RNH1: variants seen among roughly 807,000 people sequenced by gnomAD.
RNH1 encodes the protein ribonuclease inhibitor.
A neutral mutation model predicts 46.1 loss-of-function variants in RNH1; 38 were observed. The observed-to-expected ratio is 0.82, with a 90% CI of 0.64 to 1.08. The LOEUF (loss-of-function observed/expected upper bound fraction) is 1.08, where lower values mean the gene tolerates loss of function less well. RNH1 is among the 50% of genes least tolerant of loss of function. The pLI is 0.00. For missense variants in RNH1, 577 were observed against 590.7 expected (o/e 0.98, Z 0.24); for synonymous variants, 319 against 279.1 (o/e 1.14, Z -1.43).
At chr11:498,183 C>T (rs886829805) in intron 8 of RNH1, 42 bp from the exon 9 acceptor site, 1 of 1,577,292 alleles carries the variant, frequency 6.3e-7, no homozygotes, top group Non-Finnish European at 8.6e-7. Flanking sequence ...GGGGCCCAGG[C>T]TGGCCCACAG....
Position 498,568 on chromosome 11 carries a change from G to A in RNH1, c.845C>T (p.Ala282Val). 6.2e-7 allele frequency: 1 copy of A among 1,613,020 alleles called. No homozygotes were observed. Among genetic ancestry groups the A allele is most frequent in the Non-Finnish European group, 8.5e-7 (1 of 1,180,018 alleles). Residue 282 changes from alanine to valine, a missense_variant, in exon 8 of 11, where the codon GCC becomes GTC. Coordinates refer to ENST00000354420, the MANE Select transcript of RNH1 (RefSeq NM_203387.3). ...GCTGAGCTCCTTCAGGCTCTCCTTG[G>A]CCCTGAGGACACGGCACAGATCCCC... Reference protein sequence around the residue: ...GCGDLCRVLRAKESLKELSLA... With the variant: ...GCGDLCRVLRVKESLKELSLA...
chr11:497,916 A>T, intron 9 of RNH1, 55 bp downstream of exon 9: 3 of 1,568,612 alleles, frequency 1.9e-6, no homozygotes, highest in Non-Finnish European at 2.6e-6. Context: ...CCTTGTGTGC[A>T]CACACGGGCA....
At position 503,616 on chromosome 11, in the gene RNH1, T is replaced by C. The variant is rs1182187924; in HGVS notation, c.-88+1208A>G. On this transcript the variant is annotated intron_variant, in intron 2 of 10. Transcript: ENST00000354420. ...AGAATCTAGTCATCAGGAGGCACTGTGGGCGGGAGGGCGGGTGGAAGGAGA... is the reference window on the plus strand; with the variant it reads ...AGAATCTAGTCATCAGGAGGCACTGCGGGCGGGAGGGCGGGTGGAAGGAGA... 1.0e-3 allele frequency: 7 copies of C among 6,828 alleles called. No individual in the cohort carries two copies. The Admixed American group carries it at 0.013, about 13-fold the overall frequency. 0.4% of individuals were successfully genotyped at this position (6,828 alleles called of 1,614,324 possible). A position where few individuals can be genotyped will look rare whatever the true frequency, so the allele number is the denominator to read the frequency against.
chr11:494,891 C>T lies in RNH1; in HGVS notation c.1290G>A (p.Glu430=), dbSNP rs757777030. 2.5e-6 allele frequency: 4 copies of T among 1,611,986 alleles called. No homozygotes were observed. The South Asian group carries it at 4.4e-5, about 18-fold the overall frequency. ...CCAGCGCGTGCACATACACCAGCTG[C>T]TCCAGGAGGCAGCCCGGCTGCCGGA... ...ESVRQPGCLL[E]QLVLYDIYWS... The change falls in exon 10 of 11, where the codon GAG becomes GAA. Residue 430 remains glutamate, a synonymous_variant. Transcript: ENST00000354420.
At chr11:497,476 C>T (rs1565019283) in intron 9 of RNH1, among the ~76,000 whole-genome samples, 2 of 150,838 alleles carry the variant, frequency 1.3e-5, no homozygotes, top group South Asian at 2.1e-4. Context: ...CCCTCTCGCC[C>T]ATGTGCTCAC....
In RNH1 at chr11:498,781, G is replaced by C; in HGVS notation, c.767C>G (p.Ser256Cys). 1 of 1,603,128 alleles carries C rather than the reference G, an allele frequency of 6.2e-7. No homozygotes were observed. The highest frequency in any genetic ancestry group is 8.5e-7 in the Non-Finnish European group (1 of 1,178,242). The change falls in exon 7 of 11, where the codon TCC becomes TGC. Residue 256 changes from serine (S) to cysteine (C), a missense_variant. Transcript: ENST00000354420. ...ELCPGLLHPS[S>C]RLRTLWIWEC... ...GACTCACCACAGGGTCCTGAGCCTG[G>C]AGCTGGGGTGGAGCAGCCCTGGGCA...
At chr11:497,198 C>T (rs1253363722) in intron 9 of RNH1, among the ~76,000 whole-genome samples, 1 of 131,540 alleles carries the variant, frequency 7.6e-6, no homozygotes, top group African/African-American at 2.8e-5. Flanking sequence ...CGTGCTCACT[C>T]TCACCCATGT....
At chr11:504,393 C>G (rs796478794) in intron 2 of RNH1, 2 of 154,172 alleles carry the variant, frequency 1.3e-5, no homozygotes, top group African/African-American at 4.8e-5. Context: ...GCCTCTCTGC[C>G]CCCGCCCGCG....
rs1472818903 is a variant in RNH1 at position 504,960 on chromosome 11, A to G, written c.-224T>C. On this transcript the variant is annotated 5_prime_UTR_variant, in exon 2 of 11. Coordinates refer to ENST00000354420, the MANE Select transcript of RNH1 (RefSeq NM_203387.3). ...CTCGGCCGTCCTCAAAACTTTGGAC[A>G]CACCCTCCGTTTCTGTCAGTCAAGA... 6.6e-6 allele frequency: 1 copy of G among 152,066 alleles called. No individual in the cohort carries two copies. Among genetic ancestry groups the G allele is most frequent in the African/African-American group, 2.4e-5 (1 of 41,366 alleles). 9.4% of individuals were successfully genotyped at this position (152,066 alleles called of 1,614,324 possible).
chr11:505,817 G>C (rs911270807), intron 1 of RNH1: 8 of 151,084 alleles, frequency 5.3e-5, no homozygotes, highest in African/African-American at 1.7e-4. Context: ...AGATCCGCCC[G>C]CCTCGGCCTC....
In RNH1 at chr11:501,392, C is replaced by T. The variant is rs533576929; in HGVS notation, c.101+670G>A. On this transcript the variant is annotated intron_variant, in intron 3 of 10. Coordinates refer to ENST00000354420, the MANE Select transcript of RNH1 (RefSeq NM_203387.3). This position sits in a 1 kb window ranked among gnomAD's most constrained non-coding sequence, Gnocchi z 4.1. ...AGAGAGACGAGGGGACAGTCACAGA[C>T]GGGAGAGGGCTAAGGAGACAGAGGG... The T allele has an allele frequency of 4.5e-4, 74 of 163,020 alleles. 1 individual carries two copies. The highest frequency in any genetic ancestry group is 4.2e-3 in the South Asian group (26 of 6,220). 10.1% of individuals were successfully genotyped at this position (163,020 alleles called of 1,614,324 possible).
At chr11:499,579 A>C in intron 5 of RNH1, 2 of 708,464 alleles carry the variant, frequency 2.8e-6, no homozygotes, top group Non-Finnish European at 5.1e-6. Context: ...GTCCTGGGGC[A>C]GCTGTGCCTT....
rs957725275 is a variant in RNH1, at chr11:501,411, C to G, written c.101+651G>C. 6.2e-6 allele frequency: 1 copy of G among 160,700 alleles called. No homozygotes were observed. Among genetic ancestry groups the G allele is most frequent in the Non-Finnish European group, 1.4e-5 (1 of 72,830 alleles). 10.0% of individuals were successfully genotyped at this position (160,700 alleles called of 1,614,324 possible). On this transcript the variant is annotated intron_variant, in intron 3 of 10. Transcript: ENST00000354420. The surrounding 1 kb of genome is among the most constrained non-coding windows in gnomAD (Gnocchi z 4.1). Reference sequence around the variant, plus strand: ...CACAGACGGGAGAGGGCTAAGGAGACAGAGGGCTGAGGGCCACGCAATCCT... The same window carrying G: ...CACAGACGGGAGAGGGCTAAGGAGAGAGAGGGCTGAGGGCCACGCAATCCT...
chr11:499,354 G>A (rs1186432811), intron 5 of RNH1, 169 bp from the exon 6 acceptor site: 2 of 704,596 alleles, frequency 2.8e-6, no homozygotes, highest in Non-Finnish European at 4.8e-6. Context: ...CCGGGCCTCT[G>A]TGGACACCGG....
chr11:506,149 T>TA (rs1344806560), intron 1 of RNH1: 1 of 152,240 alleles, frequency 6.6e-6, no homozygotes, highest in Non-Finnish European at 1.5e-5. Context: ...CGGCCCAGTG[T>TA]AACTGTTAAC....
At chr11:496,626 A>G (rs4963191) in intron 9 of RNH1, among the ~76,000 whole-genome samples, 53,101 of 151,968 alleles carry the variant, frequency 0.35, 9,573 homozygotes, top group African/African-American at 0.44. Flanking sequence ...CCAAGATCGC[A>G]CCACTGCACT....
intron 2 of RNH1, among the ~76,000 whole-genome samples, chr11:504,033 G>A (rs552266759): frequency 4.7e-4 from 72 of 152,362 alleles, no homozygotes; most frequent in Non-Finnish European, 8.4e-4. Context: ...TTTGGTTGAG[G>A]CAGGGATCTG....
At position 498,515 on chromosome 11, in the gene RNH1, C is replaced by T. The variant is rs757525695; in HGVS notation, c.898G>A (p.Gly300Ser). 1.2e-6 allele frequency: 2 copies of T among 1,613,402 alleles called. No homozygotes were observed. The highest frequency in any genetic ancestry group is 1.7e-6 in the Non-Finnish European group (2 of 1,180,022). Reference sequence around the variant, plus strand: ...AGGGTCTCACACAGCAGTCGGGCACCCTCATCCCCCAGCTCGTTGCCGGCC... The same window carrying T: ...AGGGTCTCACACAGCAGTCGGGCACTCTCATCCCCCAGCTCGTTGCCGGCC... ...SLAGNELGDE[G>S]ARLLCETLLE... is the part of the protein sequence containing the mutation. Residue 300 changes from glycine (G) to serine (S), a missense_variant, in exon 8 of 11, where the codon GGT (glycine) becomes AGT (serine). By Grantham distance (56) the Gly-to-Ser change is moderately conservative. Transcript: ENST00000354420.
At position 494,749 on chromosome 11, in the gene RNH1, A is replaced by G. The variant is rs752003240; in HGVS notation, c.1328T>C (p.Met443Thr). The change falls in exon 11 of 11, where the codon ATG (methionine) becomes ACG (threonine). Residue 443 changes from methionine to threonine, a missense_variant. Physicochemically the swap from Met to Thr is moderately conservative, Grantham distance 81. Transcript: ENST00000354420. The stretch of plus-strand genomic sequence containing the variant: ...CTCCAGGGCCTGCAGCCGGTCCTCC[A>G]TCTCCTCAGACCAGTAAATGTCGTA... ...VLYDIYWSEE[M>T]EDRLQALEKD... 2 of 1,613,972 alleles carry G rather than the reference A, an allele frequency of 1.2e-6. No homozygotes were observed. The highest frequency in any genetic ancestry group is 1.7e-6 in the Non-Finnish European group (2 of 1,179,992).
Sources: gnomAD v4.1 joint callset for allele counts (sites outside exome capture counted in the v4.1 genomes callset) on GRCh38, gnomAD v4.1.1 for gene constraint, Gnocchi (gnomAD v3.1) non-coding constraint, MANE v1.5 for transcripts, NCBI Gene and HGNC (gene_info 2026-07-23, HGNC 2026-07-21) for gene names.